Variants in TNPO1 observed in about 807,000 individuals in gnomAD.
TNPO1 encodes the protein transportin-1.
Under a neutral mutation model 119.5 loss-of-function variants are expected in TNPO1, and 8 were observed. That is an observed-to-expected ratio of 0.07 (90% confidence interval 0.04 to 0.12). The LOEUF (loss-of-function observed/expected upper bound fraction) is 0.12, where lower values mean the gene tolerates loss of function less well. TNPO1 is among the 10% of genes least tolerant of loss of function. TNPO1 has a pLI of 1.00. For synonymous variants in TNPO1, 362 were observed against 363.0 expected (o/e 1.00, Z 0.03); for missense variants, 576 against 1,089.8 (o/e 0.53, Z 6.64).
intron 21 of TNPO1, 119 bp downstream of exon 21, chr5:72,900,200 C>A: frequency 1.2e-6 from 1 of 823,436 alleles, no homozygotes; most frequent in South Asian, 1.7e-5. Flanking sequence ...CATTGCCAAC[C>A]ATGTGACTAA....
At chr5:72,817,599 A>G (rs1202072088) in intron 1 of TNPO1, among the ~76,000 whole-genome samples, 1 of 152,230 alleles carries the variant, frequency 6.6e-6, no homozygotes, top group African/African-American at 2.4e-5. Context: ...GAAATTTGAA[A>G]TTGGAGGCTA....
At chr5:72,893,823 T>A (rs774152166) in intron 18 of TNPO1, 120 bp downstream of exon 18, 241 of 958,568 alleles carry the variant, frequency 2.5e-4, no homozygotes, top group Admixed American at 3.8e-4. Context: ...ATGTACACTT[T>A]ATTGGTTAAA....
intron 6 of TNPO1, among the ~76,000 whole-genome samples, chr5:72,867,408 G>A (rs1438505844): frequency 6.6e-6 from 1 of 151,948 alleles, no homozygotes; most frequent in African/African-American, 2.4e-5. Context: ...GTAACTGTTG[G>A]ACTTCAAGAA....
At chr5:72,884,780 C>T (rs1032280988) in intron 11 of TNPO1, among the ~76,000 whole-genome samples, 3 of 151,960 alleles carry the variant, frequency 2.0e-5, no homozygotes, top group African/African-American at 7.3e-5. Context: ...GTGAATGCCA[C>T]ATCATGCATG....
chr5:72,850,802 A>G (rs1364437136), intron 2 of TNPO1, among the ~76,000 whole-genome samples: 3 of 152,348 alleles, frequency 2.0e-5, no homozygotes, highest in Admixed American at 6.5e-5. Flanking sequence ...TCTGAGAAGT[A>G]TCTTTTTTTT....
chr5:72,898,993 A>AT (rs935793746), intron 20 of TNPO1, among the ~76,000 whole-genome samples: 8 of 152,148 alleles, frequency 5.3e-5, no homozygotes, highest in African/African-American at 1.9e-4. Context: ...GTATGAATGT[A>AT]TTTACATGTA....
intron 24 of TNPO1, among the ~76,000 whole-genome samples, chr5:72,908,266 T>TG (rs1329695568): frequency 1.3e-5 from 2 of 152,156 alleles, no homozygotes; most frequent in South Asian, 2.1e-4. Context: ...TTGGGAATAC[T>TG]GGGGGAAAAA....
chr5:72,914,180 CAG>C lies in TNPO1; in HGVS notation c.*5509_*5510del, dbSNP rs1464646719. On this transcript the variant is annotated 3_prime_UTR_variant, in exon 25 of 25. Transcript: ENST00000337273. ...TTCTTGAAGTCTAACTCTGTGCTAA[CAG>C]ATCTCCATTTTAAATAGAATACGGT... is the stretch of plus-strand genomic sequence containing the variant. 3 of 152,574 alleles carry C rather than the reference CAG, an allele frequency of 2.0e-5. No homozygotes were observed. The highest frequency in any genetic ancestry group is 7.2e-5 in the African/African-American group (3 of 41,448). The allele number at this position is 152,574 out of a possible 1,614,324, so 9.5% of individuals were successfully genotyped here.
At position 72,901,080 on chromosome 5, in the gene TNPO1, T is replaced by A; in HGVS notation, c.2514+7T>A. The A allele has an allele frequency of 6.3e-7, 1 of 1,578,766 alleles. No individual in the cohort carries two copies. Among genetic ancestry groups the A allele is most frequent in the Non-Finnish European group, 8.6e-7 (1 of 1,160,086 alleles). On this transcript the variant is annotated splice_region_variant and intron_variant, in intron 22 of 24. Transcript: ENST00000337273. ...TCCCAGTGGCGTAATCCAAGTAAGA[T>A]GTTCACAAAGATTTGTTTTTAATGT...
chr5:72,877,427 A>G, intron 9 of TNPO1, 81 bp downstream of exon 9: 2 of 720,480 alleles, frequency 2.8e-6, no homozygotes, highest in Non-Finnish European at 4.4e-6. Context: ...TATAAAATTC[A>G]TTCTTTTGCC....
At chr5:72,868,566 C>T (rs2112349326) in intron 6 of TNPO1, among the ~76,000 whole-genome samples, 1 of 151,296 alleles carries the variant, frequency 6.6e-6, no homozygotes, top group South Asian at 2.1e-4. Flanking sequence ...TTTTATAGTC[C>T]CTTCTCCCCA....
intron 1 of TNPO1, among the ~76,000 whole-genome samples, chr5:72,842,981 G>T (rs559989723): frequency 6.6e-6 from 1 of 152,210 alleles, no homozygotes; most frequent in Admixed American, 6.5e-5. Flanking sequence ...GTCCTTTCTT[G>T]ACCTCCTAAC....
At chr5:72,893,095 C>G in intron 15 of TNPO1, 44 bp from the exon 16 acceptor site, 1 of 1,445,716 alleles carries the variant, frequency 6.9e-7, no homozygotes, top group Non-Finnish European at 9.6e-7. Context: ...TCATAATCTT[C>G]AGTATACCCA....
chr5:72,895,944 C>T (rs1316028684), intron 18 of TNPO1, among the ~76,000 whole-genome samples: 1 of 152,152 alleles, frequency 6.6e-6, no homozygotes, highest in Admixed American at 6.5e-5. Flanking sequence ...GCTCCCGAGT[C>T]CTTTCATTAT....
At chr5:72,820,468 C>T (rs1743905825) in intron 1 of TNPO1, among the ~76,000 whole-genome samples, 1 of 152,136 alleles carries the variant, frequency 6.6e-6, no homozygotes, top group African/African-American at 2.4e-5. Context: ...TTAACGTTTT[C>T]CTTGTAATGT....
chr5:72,867,128 G>A (rs1488055627), intron 6 of TNPO1, among the ~76,000 whole-genome samples: 5 of 151,572 alleles, frequency 3.3e-5, no homozygotes. Context: ...GCTGCAGTGA[G>A]CCACTGTGCT....
At chr5:72,868,016 G>A (rs899584771) in intron 6 of TNPO1, among the ~76,000 whole-genome samples, 2 of 151,914 alleles carry the variant, frequency 1.3e-5, no homozygotes, top group African/African-American at 4.8e-5. Flanking sequence ...TTTCTACTAG[G>A]TTATTTGTAC....
intron 2 of TNPO1, 128 bp downstream of exon 2, chr5:72,848,626 C>T (rs1745282635): frequency 5.3e-6 from 2 of 380,456 alleles, no homozygotes; most frequent in Admixed American, 5.0e-5. Context: ...CGGCCTCCTC[C>T]CTGGGTCCGG....
chr5:72,892,685 A>C (rs1385721612), intron 15 of TNPO1, among the ~76,000 whole-genome samples: 1 of 152,064 alleles, frequency 6.6e-6, no homozygotes, highest in African/African-American at 2.4e-5. Flanking sequence ...ATATACTTTA[A>C]ATCATTTTAA....
Sources: allele counts gnomAD v4.1 joint callset (sites outside exome capture counted in the v4.1 genomes callset), GRCh38; gene constraint gnomAD v4.1.1; transcripts MANE v1.5; gene names NCBI Gene and HGNC (gene_info 2026-07-23, HGNC 2026-07-21).